Variants in IL7 observed in about 807,000 individuals in gnomAD.
IL7 encodes interleukin-7.
A neutral mutation model predicts 21.6 loss-of-function variants in IL7; 3 were observed. The observed-to-expected ratio is 0.14, with a 90% CI of 0.06 to 0.36. IL7 has a LOEUF of 0.36. Ranked by LOEUF, IL7 falls within the 10% of genes least tolerant of loss-of-function variation. The pLI, the probability that IL7 is intolerant of heterozygous loss-of-function variation, is 1.00. For missense variants in IL7, 175 were observed against 200.2 expected, an observed-to-expected ratio of 0.87 and a Z score of 0.76; for synonymous variants, 62 against 68.1, an observed-to-expected ratio of 0.91 and a Z score of 0.44.
At chr8:78,750,706 C>G (rs1226160041) in intron 2 of IL7, among the ~76,000 whole-genome samples, 3 of 152,158 alleles carry the variant, frequency 2.0e-5, no homozygotes, top group African/African-American at 7.2e-5. Context: ...CACCTGTAGT[C>G]CCAGCTACTC....
chr8:78,765,461 T>C (rs763392574), intron 2 of IL7, among the ~76,000 whole-genome samples: 4 of 152,052 alleles, frequency 2.6e-5, no homozygotes, highest in Non-Finnish European at 5.9e-5. Flanking sequence ...CAAAATATTA[T>C]ACAGAACTCT....
chr8:78,719,100 A>G (rs1811188621), exon 6 of IL7: 1 of 151,772 alleles, frequency 6.6e-6, no homozygotes, highest in Admixed American at 6.6e-5. Flanking sequence ...TAGTCCATCA[A>G]CTAAAATAAG....
At chr8:78,726,440 T>C (rs375729613) in intron 3 of IL7, among the ~76,000 whole-genome samples, 4 of 151,996 alleles carry the variant, frequency 2.6e-5, no homozygotes, top group Non-Finnish European at 5.9e-5. Flanking sequence ...AGCCAGATTA[T>C]GTATGCTTTA....
At chr8:78,730,783 T>G (rs1811412020), downstream of IL7, among the ~76,000 whole-genome samples, 1 of 151,984 alleles carries the variant, frequency 6.6e-6, no homozygotes, top group South Asian at 2.1e-4. Context: ...ATGAACAGAT[T>G]ATTTAAATTG....
Position 78,710,980 on chromosome 8 carries a change from T to C in IL7, n.214+10368A>G, listed in dbSNP as rs190031881. On this transcript the variant is annotated intron_variant and non_coding_transcript_variant, in intron 3 of 4. Coordinates refer to the IL7 transcript ENST00000523959. ...AAATGAACACATTCTTTTCAGACAC[T>C]AAACTCCATAAGAACAGGTATCAGA... 1.7e-3 allele frequency among the ~76,000 whole-genome samples: 261 copies of C among 152,196 alleles called. 1 individual carries two copies. Among genetic ancestry groups the C allele is most frequent in the Non-Finnish European group, 2.7e-3 (181 of 67,956 alleles).
chr8:78,745,363 T>C (rs1811945969), intron 2 of IL7, among the ~76,000 whole-genome samples: 1 of 152,222 alleles, frequency 6.6e-6, no homozygotes, highest in Admixed American at 6.5e-5. Context: ...TTTTTACCCA[T>C]CCTGTCTTTC....
chr8:78,745,914 GTC>G (rs1811962320), intron 2 of IL7, among the ~76,000 whole-genome samples: 1 of 152,084 alleles, frequency 6.6e-6, no homozygotes, highest in Admixed American at 6.6e-5. Context: ...AGTGGCTCCA[GTC>G]TCTGCCTCCA....
downstream of IL7, among the ~76,000 whole-genome samples, chr8:78,716,967 A>C (rs1484449116): frequency 1.3e-5 from 2 of 152,088 alleles, no homozygotes; most frequent in Non-Finnish European, 2.9e-5. Flanking sequence ...AAGTTTCCTG[A>C]GGCCTCCCCA....
At chr8:78,763,799 G>A (rs370294375) in intron 2 of IL7, among the ~76,000 whole-genome samples, 72 of 152,254 alleles carry the variant, frequency 4.7e-4, no homozygotes, top group Middle Eastern at 6.8e-3. Flanking sequence ...GTAAGCAGGA[G>A]CAGGAGGAAT....
intron 2 of IL7, among the ~76,000 whole-genome samples, chr8:78,781,761 C>G (rs77684064): frequency 0.064 from 9,752 of 152,106 alleles, 341 homozygotes; most frequent in Middle Eastern, 0.092. Context: ...TTGACTGTTG[C>G]CCTGTCTTGC....
chr8:78,722,636 G>C (rs1469001926), intron 3 of IL7, among the ~76,000 whole-genome samples: 1 of 151,738 alleles, frequency 6.6e-6, no homozygotes, highest in African/African-American at 2.4e-5. Context: ...CCCATTGTGG[G>C]GCTTTAGAAT....
At chr8:78,775,652 C>A (rs1009947008) in intron 2 of IL7, among the ~76,000 whole-genome samples, 2 of 152,038 alleles carry the variant, frequency 1.3e-5, no homozygotes, top group Admixed American at 6.6e-5. Context: ...ATTTCCAGTC[C>A]TTTTTCTTCC....
At chr8:78,768,731 C>G (rs949404448) in intron 2 of IL7, among the ~76,000 whole-genome samples, 2 of 151,964 alleles carry the variant, frequency 1.3e-5, no homozygotes, top group African/African-American at 2.4e-5. Flanking sequence ...TGCCTGTTCA[C>G]TCTGATGGTA....
chr8:78,675,197 G>C (rs1809542218), downstream of IL7, among the ~76,000 whole-genome samples: 1 of 151,432 alleles, frequency 6.6e-6, no homozygotes, highest in Admixed American at 6.6e-5. Flanking sequence ...TGTAAGGTCA[G>C]AATATCTCCA....
At chr8:78,687,723 AC>A (rs1427042843) in intron 3 of IL7, among the ~76,000 whole-genome samples, 34 of 75,350 alleles carry the variant, frequency 4.5e-4, no homozygotes, top group Non-Finnish European at 5.6e-4. Flanking sequence ...TTTACGTAAT[AC>A]ATTATATATA....
chr8:78,678,773 C>A, intron 4 of IL7: 1 of 719,544 alleles, frequency 1.4e-6, no homozygotes, highest in Non-Finnish European at 2.2e-6. Flanking sequence ...AGAATAAACA[C>A]AATTATCTGC....
intron 2 of IL7, among the ~76,000 whole-genome samples, chr8:78,754,297 C>T (rs1471911752): frequency 6.6e-6 from 1 of 151,998 alleles, no homozygotes; most frequent in Non-Finnish European, 1.5e-5. Flanking sequence ...ACAATTGCTA[C>T]AAAGAGAATA....
chr8:78,769,782 C>G (rs911191545), intron 2 of IL7, among the ~76,000 whole-genome samples: 17 of 152,174 alleles, frequency 1.1e-4, no homozygotes, highest in African/African-American at 3.1e-4. Flanking sequence ...TGACTTCAAA[C>G]TATACTACAA....
At chr8:78,689,353 C>T (rs1810131383) in intron 3 of IL7, 1 of 1,595,762 alleles carries the variant, frequency 6.3e-7, no homozygotes, top group Admixed American at 1.8e-5. Flanking sequence ...CAAAGGAAAA[C>T]CAACTTCTCG....
Sources: gnomAD v4.1 joint callset for allele counts (sites outside exome capture counted in the v4.1 genomes callset) on GRCh38, gnomAD v4.1.1 for gene constraint, MANE v1.5 for transcripts, NCBI Gene and HGNC (gene_info 2026-07-23, HGNC 2026-07-21) for gene names.